PCDH15: variants seen among roughly 807,000 people sequenced by gnomAD.
PCDH15 encodes protocadherin-15.
PCDH15 carries 129 observed loss-of-function variants against 178.5 expected under a neutral mutation model. The observed-to-expected ratio is 0.72, with a 90% CI of 0.63 to 0.84. PCDH15 has a LOEUF of 0.84. PCDH15 is among the 40% of genes least tolerant of loss of function. The pLI is 0.00. For synonymous variants in PCDH15, 800 were observed against 732.0 expected (o/e 1.09, Z -1.50); for missense variants, 2,230 against 2,099.9 (o/e 1.06, Z -1.21).
At chr10:54,269,659 A>G (rs1255234247) in intron 8 of PCDH15, among the ~76,000 whole-genome samples, 1 of 152,000 alleles carries the variant, frequency 6.6e-6, no homozygotes, top group Non-Finnish European at 1.5e-5. Flanking sequence ...TTAAAATTTG[A>G]TGATTGTGAT....
intron 3 of PCDH15, among the ~76,000 whole-genome samples, chr10:54,867,847 G>C (rs973610014): frequency 6.6e-6 from 1 of 152,106 alleles, no homozygotes; most frequent in Non-Finnish European, 1.5e-5. Flanking sequence ...GTGTGATGGA[G>C]GTTCCAAAGT....
chr10:54,282,890 G>C (rs917848389), intron 8 of PCDH15, among the ~76,000 whole-genome samples: 1 of 151,952 alleles, frequency 6.6e-6, no homozygotes, highest in African/African-American at 2.4e-5. Context: ...CAGTGCTTTG[G>C]GGGGCAGAAT....
chr10:54,558,342 A>C (rs2087589636), intron 2 of PCDH15, among the ~76,000 whole-genome samples: 1 of 152,278 alleles, frequency 6.6e-6, no homozygotes, highest in East Asian at 1.9e-4. Flanking sequence ...TCAATTTATT[A>C]GAGACAACAC....
At chr10:55,255,760 A>C (rs987538722) in intron 1 of PCDH15, among the ~76,000 whole-genome samples, 4 of 152,160 alleles carry the variant, frequency 2.6e-5, no homozygotes, top group African/African-American at 9.7e-5. Context: ...TCTTTTGAGA[A>C]GTGTCTGTTC....
intron 2 of PCDH15, among the ~76,000 whole-genome samples, chr10:55,585,028 G>T (rs1305496824): frequency 1.3e-5 from 2 of 150,358 alleles, no homozygotes; most frequent in African/African-American, 4.9e-5. Flanking sequence ...AGATAATGGA[G>T]AATTATAAAT....
intron 2 of PCDH15, among the ~76,000 whole-genome samples, chr10:54,597,685 C>T (rs1449668642): frequency 1.3e-5 from 2 of 151,908 alleles, no homozygotes; most frequent in Non-Finnish European, 2.9e-5. Context: ...AAAAGATCAA[C>T]GAAGCCAGGA....
chr10:54,553,353 T>C (rs2086823647), intron 2 of PCDH15, among the ~76,000 whole-genome samples: 1 of 151,394 alleles, frequency 6.6e-6, no homozygotes, highest in Non-Finnish European at 1.5e-5. Context: ...GTCTAGGTAT[T>C]GATATTGTGT....
At chr10:54,080,354 A>G (rs1185584839) in intron 16 of PCDH15, among the ~76,000 whole-genome samples, 1 of 152,104 alleles carries the variant, frequency 6.6e-6, no homozygotes, top group African/African-American at 2.4e-5. Flanking sequence ...TTATTTTATA[A>G]CAGTTTGGCT....
intron 1 of PCDH15, among the ~76,000 whole-genome samples, chr10:54,711,620 C>G (rs2095428883): frequency 6.6e-6 from 1 of 151,786 alleles, no homozygotes; most frequent in African/African-American, 2.4e-5. Context: ...AAATAATCAC[C>G]TTTATAATAT....
intron 25 of PCDH15, among the ~76,000 whole-genome samples, chr10:53,909,568 T>G (rs2082921406): frequency 6.6e-6 from 1 of 152,184 alleles, no homozygotes; most frequent in Non-Finnish European, 1.5e-5. Context: ...ACAGCTCCAG[T>G]CTGCAGCTCC....
intron 1 of PCDH15, among the ~76,000 whole-genome samples, chr10:54,701,401 C>T (rs2095307431): frequency 6.6e-6 from 1 of 152,070 alleles, no homozygotes; most frequent in Non-Finnish European, 1.5e-5. Context: ...ACAATCAAGT[C>T]TGCATAATGG....
At chr10:54,454,111 A>G (rs2076660564) in intron 3 of PCDH15, among the ~76,000 whole-genome samples, 1 of 150,082 alleles carries the variant, frequency 6.7e-6, no homozygotes, top group Non-Finnish European at 1.5e-5. Context: ...ATTTATAAAT[A>G]TAAAACAGAT....
At chr10:54,140,905 A>G (rs1331354860) in intron 14 of PCDH15, among the ~76,000 whole-genome samples, 1 of 152,048 alleles carries the variant, frequency 6.6e-6, no homozygotes, top group Admixed American at 6.6e-5. Context: ...GATAGTCTCA[A>G]TCTCCTGAAC....
At chr10:53,897,027 C>G (rs1394653681) in intron 26 of PCDH15, among the ~76,000 whole-genome samples, 1 of 152,192 alleles carries the variant, frequency 6.6e-6, no homozygotes, top group Non-Finnish European at 1.5e-5. Context: ...CCTCTGCACT[C>G]CTGTCTGTGA....
At chr10:53,927,365 T>C (rs1297818268) in intron 25 of PCDH15, among the ~76,000 whole-genome samples, 1 of 152,178 alleles carries the variant, frequency 6.6e-6, no homozygotes, top group Non-Finnish European at 1.5e-5. Flanking sequence ...CCCATGTATC[T>C]ATTATTTTAT....
intron 2 of PCDH15, among the ~76,000 whole-genome samples, chr10:54,958,410 A>C (rs1355792597): frequency 6.6e-6 from 1 of 151,886 alleles, no homozygotes; most frequent in Non-Finnish European, 1.5e-5. Context: ...ATGCATTCAA[A>C]GTCACTTTGA....
chr10:54,093,978 TC>T (rs2094648460), intron 15 of PCDH15, among the ~76,000 whole-genome samples: 1 of 152,144 alleles, frequency 6.6e-6, no homozygotes, highest in Non-Finnish European at 1.5e-5. Context: ...CATATCCGAG[TC>T]CCTTCTTCAA....
chr10:54,102,662 A>G (rs578193430), intron 15 of PCDH15, among the ~76,000 whole-genome samples: 1 of 152,272 alleles, frequency 6.6e-6, no homozygotes, highest in African/African-American at 2.4e-5. Flanking sequence ...AGAAGCTCTA[A>G]TGGCTTCCAT....
intron 9 of PCDH15, among the ~76,000 whole-genome samples, chr10:54,218,109 T>G (rs1008099836): frequency 6.6e-6 from 1 of 152,174 alleles, no homozygotes; most frequent in African/African-American, 2.4e-5. Context: ...AAACAGAGCA[T>G]GCTTTTTCCA....
Sources: gnomAD v4.1 joint callset for allele counts (sites outside exome capture counted in the v4.1 genomes callset) on GRCh38, gnomAD v4.1.1 for gene constraint, MANE v1.5 for transcripts, NCBI Gene and HGNC (gene_info 2026-07-23, HGNC 2026-07-21) for gene names.